The following SAMD3 variants were observed in gnomAD, a reference collection of about 807,000 sequenced individuals.
The protein encoded by SAMD3 is sterile alpha motif domain-containing protein 3.
SAMD3 carries 63 observed loss-of-function variants against 58.5 expected under a neutral mutation model. That is an observed-to-expected ratio of 1.08 (90% CI 0.88 to 1.33). SAMD3 has a LOEUF of 1.33. Ranked by LOEUF, SAMD3 falls within the 40% of genes most tolerant of loss-of-function variation. SAMD3 has a pLI of 0.00. For missense variants in SAMD3, 604 were observed against 608.4 expected (o/e 0.99, Z 0.08); for synonymous variants, 220 against 210.3 (o/e 1.05, Z -0.40).
intron 2 of SAMD3, among the ~76,000 whole-genome samples, chr6:130,265,613 T>C (rs555975104): frequency 6.6e-6 from 1 of 152,324 alleles, no homozygotes; most frequent in African/African-American, 2.4e-5. Flanking sequence ...GTTTGTATAA[T>C]GTTACTCTAT....
At chr6:130,201,566 T>C (rs1794655627) in intron 5 of SAMD3, among the ~76,000 whole-genome samples, 1 of 152,226 alleles carries the variant, frequency 6.6e-6, no homozygotes, top group African/African-American at 2.4e-5. Context: ...GTAAGTCCAC[T>C]AGGTGAATTT....
intron 2 of SAMD3, among the ~76,000 whole-genome samples, chr6:130,244,729 G>A (rs985240923): frequency 6.7e-6 from 1 of 148,552 alleles, no homozygotes; most frequent in African/African-American, 2.5e-5. Flanking sequence ...GACAGGACGA[G>A]CCTGTCTCAA....
chr6:130,277,812 G>C (rs1774834257), intron 2 of SAMD3, among the ~76,000 whole-genome samples: 1 of 152,100 alleles, frequency 6.6e-6, no homozygotes. Context: ...ACTCCTTCTT[G>C]CTTCTAACCT....
intron 2 of SAMD3, among the ~76,000 whole-genome samples, chr6:130,308,701 T>G (rs1467030891): frequency 2.0e-5 from 3 of 152,090 alleles, no homozygotes; most frequent in South Asian, 2.1e-4. Flanking sequence ...GACCCCAATA[T>G]AGAAGTAAAT....
At chr6:130,168,854 G>A (rs1352032026) in intron 8 of SAMD3, among the ~76,000 whole-genome samples, 1 of 152,130 alleles carries the variant, frequency 6.6e-6, no homozygotes, top group African/African-American at 2.4e-5. Flanking sequence ...CCAGGCTAGA[G>A]TGCAGTGGTG....
intron 2 of SAMD3, among the ~76,000 whole-genome samples, chr6:130,304,566 T>C (rs1255725202): frequency 6.6e-6 from 1 of 152,232 alleles, no homozygotes; most frequent in East Asian, 1.9e-4. Flanking sequence ...TCATCTTAGT[T>C]GCTAGAGCTT....
chr6:130,194,888 G>T (rs1228185497), intron 5 of SAMD3, among the ~76,000 whole-genome samples: 1 of 152,110 alleles, frequency 6.6e-6, no homozygotes, highest in Admixed American at 6.6e-5. Flanking sequence ...ACAGTGGAGG[G>T]TAAGTCTGTC....
intron 8 of SAMD3, among the ~76,000 whole-genome samples, chr6:130,171,944 T>G (rs1473494316): frequency 1.3e-5 from 2 of 152,242 alleles, no homozygotes; most frequent in Admixed American, 1.3e-4. Context: ...GTTGCATTGA[T>G]CCCTTTACCA....
intron 5 of SAMD3, among the ~76,000 whole-genome samples, chr6:130,201,663 A>G (rs573178530): frequency 1.3e-5 from 2 of 152,326 alleles, no homozygotes; most frequent in East Asian, 1.9e-4. Flanking sequence ...CAGCAACTCC[A>G]TCTTCTCTGC....
At chr6:130,364,593 G>C (rs368588798) in intron 1 of SAMD3, among the ~76,000 whole-genome samples, 1 of 152,050 alleles carries the variant, frequency 6.6e-6, no homozygotes, top group East Asian at 1.9e-4. Context: ...AATTGAGCAG[G>C]TGGCTGTGGG....
intron 8 of SAMD3, among the ~76,000 whole-genome samples, chr6:130,164,784 C>T (rs1249246756): frequency 2.0e-5 from 3 of 152,060 alleles, no homozygotes; most frequent in Non-Finnish European, 4.4e-5. Context: ...CTTTAATGCT[C>T]ATGTCACATC....
At chr6:130,219,878 T>C (rs935958603) in intron 1 of SAMD3, among the ~76,000 whole-genome samples, 5 of 152,348 alleles carry the variant, frequency 3.3e-5, no homozygotes, top group South Asian at 4.1e-4. Flanking sequence ...AGTGTCTCCA[T>C]TGGTTCTTTT....
chr6:130,300,508 G>A (rs938586292), intron 2 of SAMD3, among the ~76,000 whole-genome samples: 4 of 151,922 alleles, frequency 2.6e-5, no homozygotes, highest in African/African-American at 7.2e-5. Context: ...CAAACCCACA[G>A]CTGACATGAT....
At chr6:130,229,732 G>A (rs572493046) in intron 2 of SAMD3, among the ~76,000 whole-genome samples, 69 of 152,274 alleles carry the variant, frequency 4.5e-4, no homozygotes, top group African/African-American at 1.5e-3. Context: ...GAGAGCAAGG[G>A]CTGTTTCCTA....
chr6:130,254,251 T>C (rs1481066875), intron 2 of SAMD3, among the ~76,000 whole-genome samples: 1 of 152,120 alleles, frequency 6.6e-6, no homozygotes, highest in Non-Finnish European at 1.5e-5. Context: ...TGGAGTGCAG[T>C]GGCGTGATCT....
chr6:130,262,146 A>C (rs1774164243), intron 2 of SAMD3, among the ~76,000 whole-genome samples: 1 of 152,164 alleles, frequency 6.6e-6, no homozygotes, highest in Non-Finnish European at 1.5e-5. Context: ...TATTCTTCGT[A>C]AGCCTATAAC....
intron 5 of SAMD3, among the ~76,000 whole-genome samples, chr6:130,191,624 CTTTT>C (rs5880007): frequency 6.9e-6 from 1 of 144,176 alleles, no homozygotes; most frequent in Non-Finnish European, 1.5e-5. Flanking sequence ...TGCTTCCTTC[CTTTT>C]TTTTTTTTTT....
intron 2 of SAMD3, among the ~76,000 whole-genome samples, chr6:130,239,506 C>G (rs904980131): frequency 3.3e-5 from 5 of 152,218 alleles, no homozygotes; most frequent in African/African-American, 1.2e-4. Context: ...TATTTATAAT[C>G]AACTCTATAA....
chr6:130,223,375 C>T (rs1047193454), upstream of SAMD3, among the ~76,000 whole-genome samples: 1 of 152,180 alleles, frequency 6.6e-6, no homozygotes, highest in Non-Finnish European at 1.5e-5. Flanking sequence ...CGTTACATAG[C>T]TCAGTGTGTA....
Sources: gnomAD v4.1 joint callset for allele counts (sites outside exome capture counted in the v4.1 genomes callset) on GRCh38, gnomAD v4.1.1 for gene constraint, MANE v1.5 for transcripts, NCBI Gene and HGNC (gene_info 2026-07-23, HGNC 2026-07-21) for gene names.